The following PTPRN2 variants were observed in gnomAD, a reference collection of about 807,000 sequenced individuals.
PTPRN2 encodes protein tyrosine phosphatase receptor type N2, also known as receptor-type tyrosine-protein phosphatase N2.
PTPRN2 carries 74 observed loss-of-function variants against 118.8 expected under a neutral mutation model. The observed-to-expected ratio is 0.62, with a 90% CI of 0.52 to 0.76. The LOEUF (loss-of-function observed/expected upper bound fraction) is 0.76, where lower values mean the gene tolerates loss of function less well. Among genes scored for constraint, PTPRN2 ranks in the 30% least tolerant of loss-of-function variants. The probability of loss-of-function intolerance (pLI) is 0.00; values close to 1 mark genes in which losing one functional copy is unlikely to be tolerated. For synonymous variants in PTPRN2, 641 were observed against 608.0 expected (o/e 1.05, Z -0.80); for missense variants, 1,481 against 1,394.4 (o/e 1.06, Z -0.99).
At chr7:158,272,115 T>C (rs4909164) in intron 3 of PTPRN2, among the ~76,000 whole-genome samples, 149,813 of 152,350 alleles carry the variant, frequency 0.98, 73,666 homozygotes, top group African/African-American at 1. Flanking sequence ...GTGAAAATGA[T>C]CACAGGGTGC....
intron 22 of PTPRN2, among the ~76,000 whole-genome samples, chr7:157,542,755 T>G (rs1032472874): frequency 6.6e-6 from 1 of 152,082 alleles, no homozygotes; most frequent in Non-Finnish European, 1.5e-5. Context: ...ACTGTTTAGC[T>G]CAAAGGAGAA....
In PTPRN2 at chr7:157,545,487, C is replaced by T. The variant is rs563821157; in HGVS notation, c.2976+3459G>A. ...GTGTCCCTGGCTGCGTGTGGGTGTG[C>T]GCAGTGTGCAGGTGTGTGGGTGTAC... On this transcript the variant is annotated intron_variant, in intron 22 of 22. Transcript: ENST00000389418. 1.9e-3 allele frequency among the ~76,000 whole-genome samples: 286 copies of T among 150,102 alleles called. 2 individuals carry two copies. The highest frequency in any genetic ancestry group is 6.6e-3 in the African/African-American group (267 of 40,726).
intron 2 of PTPRN2, among the ~76,000 whole-genome samples, chr7:158,478,071 G>A (rs2129444716): frequency 6.6e-6 from 1 of 152,366 alleles, no homozygotes; most frequent in East Asian, 1.9e-4. Flanking sequence ...CCAAGGGGTG[G>A]TAGGCAGGCC....
intron 2 of PTPRN2, among the ~76,000 whole-genome samples, chr7:158,370,766 A>G (rs1231248848): frequency 6.6e-6 from 1 of 152,178 alleles, no homozygotes; most frequent in Non-Finnish European, 1.5e-5. Context: ...AAAATTTTTA[A>G]AAATCAATCA....
intron 22 of PTPRN2, among the ~76,000 whole-genome samples, chr7:157,546,897 CA>C (rs1353716021): frequency 6.6e-6 from 1 of 152,240 alleles, no homozygotes; most frequent in African/African-American, 2.4e-5. Flanking sequence ...AGGATACATA[CA>C]ATGGGAGGCT....
At chr7:157,783,332 T>G (rs907380050) in intron 12 of PTPRN2, among the ~76,000 whole-genome samples, 1 of 151,650 alleles carries the variant, frequency 6.6e-6, no homozygotes, top group Non-Finnish European at 1.5e-5. Flanking sequence ...GAATATGTAA[T>G]GCACAATGGA....
Position 158,532,779 on chromosome 7 carries a change from G to A in PTPRN2, c.113-42994C>T, listed in dbSNP as rs761415486. The A allele has an allele frequency of 9.4e-6, 5 of 534,614 alleles. No individual in the cohort carries two copies. The Admixed American group carries it at 9.7e-5, about 10-fold the overall frequency. The allele number at this position is 534,614 out of a possible 1,614,324, so 33.1% of individuals were successfully genotyped here. A position where few individuals can be genotyped will look rare whatever the true frequency, so the allele number is the denominator to read the frequency against. ...AACCTGTTCCTTACAAGACTACATT[G>A]AGCGTGCTGGTGTTAAATGCGTGCA... On this transcript the variant is annotated intron_variant, in intron 1 of 22. Coordinates refer to ENST00000389418, the MANE Select transcript of PTPRN2 (RefSeq NM_002847.5).
intron 12 of PTPRN2, chr7:157,855,885 C>A (rs1809677194): frequency 6.6e-6 from 1 of 152,252 alleles, no homozygotes; most frequent in Non-Finnish European, 1.5e-5. Flanking sequence ...CTGCACGGCA[C>A]CATCATTTTT....
intron 12 of PTPRN2, among the ~76,000 whole-genome samples, chr7:157,806,184 A>C (rs1585517399): frequency 6.6e-6 from 1 of 152,342 alleles, no homozygotes; most frequent in African/African-American, 2.4e-5. Context: ...GAATATTTAC[A>C]TCACACTTAC....
chr7:157,595,829 G>T (rs761272757), intron 16 of PTPRN2, among the ~76,000 whole-genome samples: 1 of 152,192 alleles, frequency 6.6e-6, no homozygotes, highest in Non-Finnish European at 1.5e-5. Flanking sequence ...CCCGAGCCTT[G>T]AGCCTGAACC....
Position 158,506,911 on chromosome 7 carries a change from G to A in PTPRN2, c.113-17126C>T, listed in dbSNP as rs532780249. Among the ~76,000 whole-genome samples, 20 of 152,306 alleles carry A rather than the reference G, an allele frequency of 1.3e-4. No individual in the cohort carries two copies. The South Asian group carries it at 1.7e-3, about 13-fold the overall frequency. On this transcript the variant is annotated intron_variant, in intron 1 of 22. Transcript: ENST00000389418. ...AGAGACACTAGGGCCAGCCCAGCCCGGAGCAGCCACAACCAATCATGAAGG... is the reference window on the plus strand; with the variant it reads ...AGAGACACTAGGGCCAGCCCAGCCCAGAGCAGCCACAACCAATCATGAAGG...
At chr7:157,652,530 G>T (rs1296899678) in intron 14 of PTPRN2, among the ~76,000 whole-genome samples, 1 of 152,222 alleles carries the variant, frequency 6.6e-6, no homozygotes, top group Non-Finnish European at 1.5e-5. Flanking sequence ...CAGAGCGGGG[G>T]ACCCAGCGGC....
rs1266515093 is a variant in PTPRN2, at chr7:158,494,667, C to G, written c.113-4882G>C. ...GAATGACCAAGGCCCTGGGATCCAA[C>G]TGCAAACAGGAAAGCATCTTCCCAG... On this transcript the variant is annotated intron_variant, in intron 1 of 22. Transcript: ENST00000389418. Among the ~76,000 whole-genome samples, 5 of 152,182 alleles carry G rather than the reference C, an allele frequency of 3.3e-5. 1 individual carries two copies. The highest frequency in any genetic ancestry group is 1.2e-4 in the African/African-American group (5 of 41,444).
At chr7:158,334,726 C>A (rs1586331658) in intron 2 of PTPRN2, among the ~76,000 whole-genome samples, 1 of 47,920 alleles carries the variant, frequency 2.1e-5, no homozygotes, top group Admixed American at 2.2e-4. Context: ...ACGTCACACC[C>A]ACACTCTCAC....
chr7:158,025,893 G>C (rs138235588), intron 11 of PTPRN2, among the ~76,000 whole-genome samples: 2 of 152,214 alleles, frequency 1.3e-5, no homozygotes, highest in African/African-American at 4.8e-5. Context: ...TTCCGTTTAC[G>C]TTCTATTGTC....
At chr7:158,415,633 A>G (rs1814596145) in intron 2 of PTPRN2, among the ~76,000 whole-genome samples, 1 of 152,158 alleles carries the variant, frequency 6.6e-6, no homozygotes, top group South Asian at 2.1e-4. Context: ...GCCCCGCCTC[A>G]GAGTTATTGT....
Position 157,576,794 on chromosome 7 carries a change from C to T in PTPRN2, c.2617-15G>A. 1 of 1,585,546 alleles carries T rather than the reference C, an allele frequency of 6.3e-7. No individual in the cohort carries two copies. Among genetic ancestry groups the T allele is most frequent in the Non-Finnish European group, 8.6e-7 (1 of 1,163,876 alleles). On this transcript the variant is annotated splice_polypyrimidine_tract_variant and intron_variant, in intron 18 of 22. Coordinates refer to ENST00000389418, the MANE Select transcript of PTPRN2 (RefSeq NM_002847.5). Reference sequence around the variant, plus strand: ...ACCAGGTTCACCTGGCAGGGAGGAGCGGAGGGAGGGGACAGAGACAGGTGT... The same window carrying T: ...ACCAGGTTCACCTGGCAGGGAGGAGTGGAGGGAGGGGACAGAGACAGGTGT...
Position 158,112,752 on chromosome 7 carries a change from G to A in PTPRN2, c.1557-1837C>T, listed in dbSNP as rs4413720. ...CAGCGGGGCATCCAGGCTGGGTGCT[G>A]AGGGCAGTGCATCCATGTGTGCAGA... is the stretch of plus-strand genomic sequence containing the variant. On this transcript the variant is annotated intron_variant, in intron 9 of 22. Coordinates refer to ENST00000389418, the MANE Select transcript of PTPRN2 (RefSeq NM_002847.5). 4.5e-3 allele frequency among the ~76,000 whole-genome samples: 680 copies of A among 152,098 alleles called. 33 individuals are homozygous for A. Among genetic ancestry groups the A allele is most frequent in the Admixed American group, 0.041 (621 of 15,284 alleles).
At chr7:158,125,362 G>A (rs899163589) in intron 9 of PTPRN2, among the ~76,000 whole-genome samples, 5 of 151,846 alleles carry the variant, frequency 3.3e-5, no homozygotes, top group Non-Finnish European at 7.4e-5. Flanking sequence ...CCTGCCTCGC[G>A]TCCCTCCCAC....
Sources: gnomAD v4.1 joint callset for allele counts (sites outside exome capture counted in the v4.1 genomes callset) on GRCh38, gnomAD v4.1.1 for gene constraint, MANE v1.5 for transcripts, NCBI Gene and HGNC (gene_info 2026-07-23, HGNC 2026-07-21) for gene names.